Variants in REDIC1 observed in about 807,000 individuals in gnomAD.
REDIC1 encodes HEI10 Interacting Protein 1.
At chr12:39,665,232 C>G in the REDIC1 span, among the ~76,000 whole-genome samples, 1 of 152,112 alleles carries the variant, frequency 6.6e-6, no homozygotes. Flanking sequence ...TTTAATCCAT[C>G]TTGAATTAGT....
chr12:39,686,808 C>A, the REDIC1 span, among the ~76,000 whole-genome samples: 72 of 152,282 alleles, frequency 4.7e-4, no homozygotes, highest in South Asian at 0.014. Context: ...TATATCATTT[C>A]TTTGCTCACA....
the REDIC1 span, among the ~76,000 whole-genome samples, chr12:39,766,014 A>G: frequency 6.6e-6 from 1 of 152,202 alleles, no homozygotes; most frequent in East Asian, 1.9e-4. Context: ...CATTGGCCTC[A>G]TAGTTCCTTA....
At chr12:39,699,323 C>G in the REDIC1 span, among the ~76,000 whole-genome samples, 1 of 152,160 alleles carries the variant, frequency 6.6e-6, no homozygotes, top group East Asian at 1.9e-4. Context: ...CTTTCCTAGT[C>G]AAAGAAAGGG....
chr12:39,711,656 T>C, the REDIC1 span, among the ~76,000 whole-genome samples: 5 of 140,752 alleles, frequency 3.6e-5, no homozygotes, highest in East Asian at 4.4e-4. Context: ...CACATGTATG[T>C]ATGTCTATAC....
At chr12:39,712,279 T>C in the REDIC1 span, among the ~76,000 whole-genome samples, 1 of 139,564 alleles carries the variant, frequency 7.2e-6, no homozygotes, top group African/African-American at 2.6e-5. Context: ...TATACATGTA[T>C]ATATACCTGT....
At chr12:39,866,212 C>T in the REDIC1 span, among the ~76,000 whole-genome samples, 1 of 152,254 alleles carries the variant, frequency 6.6e-6, no homozygotes, top group African/African-American at 2.4e-5. Context: ...CATTGAGAAG[C>T]ATCGTGGAAG....
chr12:39,691,290 G>A, the REDIC1 span, among the ~76,000 whole-genome samples: 2 of 152,184 alleles, frequency 1.3e-5, no homozygotes, highest in African/African-American at 2.4e-5. Flanking sequence ...GGTTTGGGAA[G>A]CAGCTAGACA....
At chr12:39,827,298 T>C in the REDIC1 span, among the ~76,000 whole-genome samples, 1 of 152,168 alleles carries the variant, frequency 6.6e-6, no homozygotes, top group African/African-American at 2.4e-5. Context: ...TGCTTTTTCA[T>C]GTGTACCATT....
chr12:39,671,417 A>G, the REDIC1 span, among the ~76,000 whole-genome samples: 6 of 152,166 alleles, frequency 3.9e-5, no homozygotes, highest in Admixed American at 6.5e-5. Flanking sequence ...TTGGGCCCCA[A>G]TTGCATGCTG....
chr12:39,691,833 T>A, the REDIC1 span, among the ~76,000 whole-genome samples: 1 of 152,144 alleles, frequency 6.6e-6, no homozygotes, highest in Non-Finnish European at 1.5e-5. Context: ...TTGGCAAGTG[T>A]CTATTCTGTT....
chr12:39,713,083 G>GTA, the REDIC1 span, among the ~76,000 whole-genome samples: 2 of 148,220 alleles, frequency 1.3e-5, no homozygotes, highest in Non-Finnish European at 3.0e-5. Flanking sequence ...GTGCATACGT[G>GTA]TATGTGTAGA....
the REDIC1 span, among the ~76,000 whole-genome samples, chr12:39,879,763 C>G: frequency 6.6e-6 from 1 of 152,016 alleles, no homozygotes; most frequent in Admixed American, 6.5e-5. Context: ...TTGAGTTAAG[C>G]TGGAATGAGT....
the REDIC1 span, among the ~76,000 whole-genome samples, chr12:39,751,900 T>G: frequency 6.6e-6 from 1 of 152,066 alleles, no homozygotes; most frequent in Admixed American, 6.5e-5. Flanking sequence ...CAGGGCCTGT[T>G]GTGGGATGGG....
chr12:39,637,684 A>C, the REDIC1 span, among the ~76,000 whole-genome samples: 5 of 152,124 alleles, frequency 3.3e-5, no homozygotes, highest in African/African-American at 1.2e-4. Context: ...AGTTGACTAC[A>C]TACATAATAC....
At chr12:39,866,794 G>T in the REDIC1 span, among the ~76,000 whole-genome samples, 4 of 152,138 alleles carry the variant, frequency 2.6e-5, no homozygotes, top group East Asian at 7.7e-4. Context: ...ATGTTTTAAT[G>T]CTATAACATG....
At chr12:39,716,736 T>A in the REDIC1 span, 1 of 1,547,604 alleles carries the variant, frequency 6.5e-7, no homozygotes, top group Non-Finnish European at 8.9e-7. Context: ...ATTATTCATG[T>A]ATTAAACCTT....
chr12:39,887,050 T>G, the REDIC1 span, among the ~76,000 whole-genome samples: 1 of 152,300 alleles, frequency 6.6e-6, no homozygotes, highest in African/African-American at 2.4e-5. Context: ...CTCATGCAGA[T>G]TTAGAGTAAA....
chr12:39,696,411 C>T, the REDIC1 span, among the ~76,000 whole-genome samples: 10 of 149,266 alleles, frequency 6.7e-5, no homozygotes, highest in Non-Finnish European at 1.3e-4. Flanking sequence ...GGCGTAGTGG[C>T]GGGCGCCTGT....
chr12:39,856,367 A>ATTTAT, the REDIC1 span, among the ~76,000 whole-genome samples: 6 of 151,972 alleles, frequency 3.9e-5, no homozygotes, highest in African/African-American at 1.5e-4. Context: ...GCTTTATTTT[A>ATTTAT]TTTATTTTAT....
Sources: gnomAD v4.1 joint callset for allele counts (sites outside exome capture counted in the v4.1 genomes callset) on GRCh38, gnomAD v4.1.1 for gene constraint, MANE v1.5 for transcripts, NCBI Gene and HGNC (gene_info 2026-07-23, HGNC 2026-07-21) for gene names.